Variants in ROBO2 observed in about 807,000 individuals in gnomAD.
The protein encoded by ROBO2 is roundabout homolog 2.
A neutral mutation model predicts 160.8 loss-of-function variants in ROBO2; 53 were observed. The observed-to-expected ratio is 0.33, with a 90% CI of 0.26 to 0.41. The LOEUF (loss-of-function observed/expected upper bound fraction) is 0.41. Ranked by LOEUF, ROBO2 falls within the 10% of genes least tolerant of loss-of-function variation. The pLI, the probability that ROBO2 is intolerant of heterozygous loss-of-function variation, is 1.00. For synonymous variants in ROBO2, 664 were observed against 611.7 expected (o/e 1.09, Z -1.26); for missense variants, 1,577 against 1,722.4 (o/e 0.92, Z 1.49).
At chr3:77,292,712 A>G (rs1182331718) in intron 2 of ROBO2, among the ~76,000 whole-genome samples, 4 of 97,186 alleles carry the variant, frequency 4.1e-5, no homozygotes, top group Non-Finnish European at 1.1e-4. Flanking sequence ...CACCCCAGAC[A>G]TAAAGTAAAA....
chr3:76,002,782 C>CT (rs907484916), intron 2 of ROBO2, among the ~76,000 whole-genome samples: 14 of 152,184 alleles, frequency 9.2e-5, no homozygotes, highest in African/African-American at 2.9e-4. Flanking sequence ...TCTGGAATAG[C>CT]TTTTTCCTTC....
chr3:76,038,571 G>A (rs2067186271), intron 2 of ROBO2, among the ~76,000 whole-genome samples: 1 of 151,892 alleles, frequency 6.6e-6, no homozygotes, highest in Middle Eastern at 3.2e-3. Flanking sequence ...ATACAACTCT[G>A]AAGTGTTATT....
intron 2 of ROBO2, among the ~76,000 whole-genome samples, chr3:76,249,950 G>T (rs35320078): frequency 0.29 from 44,631 of 151,894 alleles, 8,477 homozygotes; most frequent in Non-Finnish European, 0.41. Context: ...AGGCATTTCA[G>T]AGTCTTTAAT....
intron 2 of ROBO2, among the ~76,000 whole-genome samples, chr3:76,309,829 T>C (rs1339776946): frequency 1.3e-5 from 2 of 152,160 alleles, no homozygotes; most frequent in Non-Finnish European, 2.9e-5. Context: ...TAATTATTAT[T>C]GTTACTATTA....
intron 14 of ROBO2, among the ~76,000 whole-genome samples, chr3:77,577,031 T>A (rs373589530): frequency 6.6e-6 from 1 of 152,118 alleles, no homozygotes; most frequent in Non-Finnish European, 1.5e-5. Context: ...GTTATGGTTG[T>A]TTTTAGAAAG....
chr3:77,353,599 C>T (rs1444538433), intron 2 of ROBO2, among the ~76,000 whole-genome samples: 1 of 152,144 alleles, frequency 6.6e-6, no homozygotes, highest in East Asian at 1.9e-4. Context: ...CAACCTCCGC[C>T]TCCTGGGTTC....
chr3:77,303,924 G>C (rs974657550), intron 2 of ROBO2, among the ~76,000 whole-genome samples: 2 of 152,108 alleles, frequency 1.3e-5, no homozygotes, highest in Non-Finnish European at 2.9e-5. Context: ...ACCTTTGTAA[G>C]AGGTTGTGCT....
At chr3:77,229,119 C>T (rs191635971) in intron 2 of ROBO2, among the ~76,000 whole-genome samples, 2 of 152,226 alleles carry the variant, frequency 1.3e-5, no homozygotes, top group Admixed American at 1.3e-4. Context: ...GTATTTCTCA[C>T]AAATGACAGC....
chr3:77,321,154 G>A (rs902280739), intron 2 of ROBO2, among the ~76,000 whole-genome samples: 1 of 152,128 alleles, frequency 6.6e-6, no homozygotes, highest in Non-Finnish European at 1.5e-5. Context: ...TATCAAAGGA[G>A]TGTGAAGGAA....
At chr3:77,084,060 A>G (rs1230763055) in intron 1 of ROBO2, among the ~76,000 whole-genome samples, 1 of 152,116 alleles carries the variant, frequency 6.6e-6, no homozygotes, top group Non-Finnish European at 1.5e-5. Context: ...GCTGTTAACT[A>G]TTGGGTCAGA....
At chr3:76,798,312 GAAAA>G (rs1553909519) in intron 2 of ROBO2, among the ~76,000 whole-genome samples, 96 of 149,280 alleles carry the variant, frequency 6.4e-4, no homozygotes, top group African/African-American at 1.9e-3. Flanking sequence ...AAGAAAGAAA[GAAAA>G]AAGAACGAAT....
exon 1 of ROBO2, chr3:75,906,868 G>C (rs113003379): frequency 3.2e-4 from 49 of 152,378 alleles, no homozygotes; most frequent in African/African-American, 9.1e-4. Flanking sequence ...GTTCCGCTGC[G>C]CTGCCCTCGT....
At chr3:76,567,276 T>C (rs2084587960) in intron 2 of ROBO2, among the ~76,000 whole-genome samples, 1 of 152,188 alleles carries the variant, frequency 6.6e-6, no homozygotes, top group African/African-American at 2.4e-5. Context: ...TTCAGCATGT[T>C]GGTTTACTTA....
chr3:76,710,955 T>C (rs2093280907), intron 2 of ROBO2, among the ~76,000 whole-genome samples: 1 of 152,212 alleles, frequency 6.6e-6, no homozygotes, highest in South Asian at 2.1e-4. Flanking sequence ...TTACATTCTG[T>C]TTCCTGATAT....
chr3:76,191,905 CT>C, intron 2 of ROBO2, among the ~76,000 whole-genome samples: 1 of 152,020 alleles, frequency 6.6e-6, no homozygotes, highest in East Asian at 1.9e-4. Flanking sequence ...CTCCAATAAC[CT>C]CAACTCTTTC....
intron 2 of ROBO2, among the ~76,000 whole-genome samples, chr3:77,243,986 T>C (rs11927597): frequency 0.2 from 30,804 of 152,168 alleles, 3,508 homozygotes; most frequent in Middle Eastern, 0.33. Flanking sequence ...ATGTACACAT[T>C]GTGGGATTTC....
chr3:77,503,432 G>A (rs2087933902), intron 5 of ROBO2, among the ~76,000 whole-genome samples: 1 of 151,222 alleles, frequency 6.6e-6, no homozygotes, highest in African/African-American at 2.4e-5. Flanking sequence ...GCTGAGGCAG[G>A]AGAATGGCGT....
intron 2 of ROBO2, among the ~76,000 whole-genome samples, chr3:76,714,153 A>G (rs1478873894): frequency 1.3e-5 from 2 of 152,066 alleles, no homozygotes; most frequent in Non-Finnish European, 2.9e-5. Context: ...TCTTCCATAC[A>G]CTCCAAAATT....
intron 2 of ROBO2, among the ~76,000 whole-genome samples, chr3:76,567,620 G>GATATATATATATATATATATATATAT (rs1201854439): frequency 3.0e-5 from 1 of 33,286 alleles, no homozygotes; most frequent in African/African-American, 8.0e-5. Context: ...CCAAACTACT[G>GATATATATATATATATATATATATAT]ATATATATAT....
Sources: allele counts gnomAD v4.1 joint callset (sites outside exome capture counted in the v4.1 genomes callset), GRCh38; gene constraint gnomAD v4.1.1; transcripts MANE v1.5; gene names NCBI Gene and HGNC (gene_info 2026-07-23, HGNC 2026-07-21).